ZNF280D: variants seen among roughly 807,000 people sequenced by gnomAD.
ZNF280D encodes zinc finger protein 280D.
Under a neutral mutation model 94.7 loss-of-function variants are expected in ZNF280D, and 39 were observed. The observed-to-expected ratio is 0.41, with a 90% CI of 0.32 to 0.54. The LOEUF is 0.54. Among genes scored for constraint, ZNF280D ranks in the 20% least tolerant of loss-of-function variants. The pLI, the probability that ZNF280D is intolerant of heterozygous loss-of-function variation, is 0.22. For missense variants in ZNF280D, 1,090 were observed against 1,149.3 expected (o/e 0.95, Z 0.75); for synonymous variants, 398 against 377.6 (o/e 1.05, Z -0.63).
Position 56,689,397 on chromosome 15 carries a change from A to C in ZNF280D, c.573T>G (p.Pro191=), listed in dbSNP as rs2056282271. The change falls in exon 8 of 22, where the codon CCT becomes CCG. Residue 191 remains proline (P), a synonymous_variant. Coordinates refer to ENST00000267807, the MANE Select transcript of ZNF280D (RefSeq NM_017661.4). ...CTCCAGAAACACTTTCGCTGGGTTT[A>C]GGCTTCTTTGGATTAACATTATTTA... The part of the protein sequence containing the change: ...SEVNNVNPKK[P]KPSESVSGAN... 1 of 1,605,020 alleles carries C rather than the reference A, an allele frequency of 6.2e-7. No homozygotes were observed. Among genetic ancestry groups the C allele is most frequent in the African/African-American group, 1.3e-5 (1 of 74,752 alleles).
At chr15:56,663,576 C>G (rs2054098492) in intron 16 of ZNF280D, among the ~76,000 whole-genome samples, 1 of 152,048 alleles carries the variant, frequency 6.6e-6, no homozygotes, top group Admixed American at 6.6e-5. Context: ...GCAAGGGTAC[C>G]ACTGAGGTTG....
At chr15:56,671,727 T>C (rs1392386815) in intron 13 of ZNF280D, among the ~76,000 whole-genome samples, 1 of 152,180 alleles carries the variant, frequency 6.6e-6, no homozygotes, top group Non-Finnish European at 1.5e-5. Flanking sequence ...CCATGGTAGT[T>C]TAATGGGAAT....
intron 16 of ZNF280D, 114 bp from the exon 17 acceptor site, chr15:56,658,600 T>C (rs2053705470): frequency 1.2e-5 from 8 of 676,792 alleles, no homozygotes; most frequent in Non-Finnish European, 1.4e-5. Flanking sequence ...GATTATAATG[T>C]AAATAATAAA....
At chr15:56,660,847 G>GT (rs2053891150) in intron 16 of ZNF280D, among the ~76,000 whole-genome samples, 1 of 151,774 alleles carries the variant, frequency 6.6e-6, no homozygotes, top group South Asian at 2.1e-4. Context: ...TTCCACATAA[G>GT]TAACAACCTT....
chr15:56,682,503 A>C, intron 9 of ZNF280D, 26 bp from the exon 10 acceptor site: 2 of 1,399,876 alleles, frequency 1.4e-6, no homozygotes, highest in Non-Finnish European at 1.9e-6. Context: ...AAAAAAAAAA[A>C]ACAAGCCTTA....
At position 56,668,925 on chromosome 15, in the gene ZNF280D, C is replaced by G; in HGVS notation, c.1443G>C (p.Arg481Ser). The G allele has an allele frequency of 6.2e-7, 1 of 1,611,570 alleles. No homozygotes were observed. The highest frequency in any genetic ancestry group is 1.1e-5 in the South Asian group (1 of 90,684). ...KKGIHRCTKCRLQFLTCKEKM... is the reference protein window; with the variant it reads ...KKGIHRCTKCSLQFLTCKEKM... Reference sequence around the variant, plus strand: ...TCTCCTTGCATGTCAAAAACTGCAGCCTGCATTTTGTACAACGATGTATTC... The same window carrying G: ...TCTCCTTGCATGTCAAAAACTGCAGGCTGCATTTTGTACAACGATGTATTC... Residue 481 changes from arginine to serine, a missense_variant, in exon 14 of 22, where the codon AGG becomes AGC. Arg to Ser is a moderately radical substitution (Grantham distance 110). Around this residue, in one of 3 missense-constraint regions of ZNF280D, gnomAD observed 127 missense variants for 208.6 expected, o/e 0.61. Coordinates refer to ENST00000267807, the MANE Select transcript of ZNF280D (RefSeq NM_017661.4).
intron 19 of ZNF280D, among the ~76,000 whole-genome samples, chr15:56,648,900 T>C (rs975790514): frequency 6.6e-6 from 1 of 152,150 alleles, no homozygotes; most frequent in African/African-American, 2.4e-5. Context: ...TTTTGATTGC[T>C]GGTCTATTCT....
chr15:56,664,659 TA>T (rs1417215022), intron 16 of ZNF280D, among the ~76,000 whole-genome samples: 2 of 152,154 alleles, frequency 1.3e-5, no homozygotes, highest in African/African-American at 2.4e-5. Flanking sequence ...GAAGAAGGAT[TA>T]AACAAATGTT....
At chr15:56,729,043 A>T (rs1327050012) in intron 1 of ZNF280D, among the ~76,000 whole-genome samples, 1 of 152,210 alleles carries the variant, frequency 6.6e-6, no homozygotes. Context: ...GAGCATCTAT[A>T]GTTAATTCCA....
intron 3 of ZNF280D, among the ~76,000 whole-genome samples, chr15:56,704,768 G>C (rs141125718): frequency 6.6e-6 from 1 of 152,178 alleles, no homozygotes; most frequent in East Asian, 1.9e-4. Flanking sequence ...ATTGCTTGAG[G>C]TCAGGAGTTT....
chr15:56,640,808 T>G (rs1206914410), intron 20 of ZNF280D, among the ~76,000 whole-genome samples: 3 of 152,148 alleles, frequency 2.0e-5, no homozygotes, highest in African/African-American at 7.2e-5. Context: ...CAAAATATGT[T>G]AAGAAGGTTT....
chr15:56,700,269 C>T lies in ZNF280D; in HGVS notation c.381+664G>A, dbSNP rs1197876534. The T allele has an allele frequency of 7.1e-6, 5 of 700,288 alleles. No individual in the cohort carries two copies. In the African/African-American group the frequency reaches 7.7e-5, roughly 11 times the overall value. 43.4% of individuals were successfully genotyped at this position (700,288 alleles called of 1,614,324 possible). Reference sequence around the variant, plus strand: ...ATTGAAATCCCAGATCCATCAACTGCCAGCTTTGGGATCTTGAATAAATCT... The same window carrying T: ...ATTGAAATCCCAGATCCATCAACTGTCAGCTTTGGGATCTTGAATAAATCT... On this transcript the variant is annotated intron_variant, in intron 6 of 21. Coordinates refer to ENST00000267807, the MANE Select transcript of ZNF280D (RefSeq NM_017661.4).
intron 11 of ZNF280D, among the ~76,000 whole-genome samples, chr15:56,678,308 C>T (rs1351430232): frequency 2.6e-5 from 4 of 152,066 alleles, no homozygotes; most frequent in African/African-American, 7.2e-5. Flanking sequence ...CACTGCACCC[C>T]GCCTGTGATT....
chr15:56,702,992 T>TTTTC (rs1206664971), intron 4 of ZNF280D, among the ~76,000 whole-genome samples: 4 of 151,402 alleles, frequency 2.6e-5, no homozygotes, highest in African/African-American at 4.9e-5. Context: ...AATTCTTTGG[T>TTTTC]AAATTCTCCT....
rs187765064 is a variant in ZNF280D, at chr15:56,718,591, G to A, written c.-85-11285C>T. ...ATCTAAATCAGTACAGTTATTAAAA[G>A]CTTTAATACGAAAGAAAAATTTTCA... On this transcript the variant is annotated intron_variant, in intron 1 of 21. Coordinates refer to ENST00000267807, the MANE Select transcript of ZNF280D (RefSeq NM_017661.4). Among the ~76,000 whole-genome samples, 84 of 152,248 alleles carry A rather than the reference G, an allele frequency of 5.5e-4. 1 individual carries two copies. The Middle Eastern group carries it at 0.027, about 49-fold the overall frequency.
chr15:56,723,840 T>C (rs553258349), intron 1 of ZNF280D, among the ~76,000 whole-genome samples: 4 of 125,924 alleles, frequency 3.2e-5, no homozygotes, highest in Non-Finnish European at 5.6e-5. Context: ...AAACCCATCA[T>C]TAGCTGAAAA....
intron 19 of ZNF280D, among the ~76,000 whole-genome samples, chr15:56,647,021 G>A (rs1238672562): frequency 3.9e-5 from 6 of 152,150 alleles, no homozygotes; most frequent in African/African-American, 1.4e-4. Context: ...AGTAGTCCAA[G>A]ATGAAACTGA....
At chr15:56,715,411 C>G (rs533621666) in intron 1 of ZNF280D, among the ~76,000 whole-genome samples, 1 of 152,060 alleles carries the variant, frequency 6.6e-6, no homozygotes, top group Non-Finnish European at 1.5e-5. Context: ...GTGTGTGATG[C>G]AACAGATGAT....
intron 10 of ZNF280D, among the ~76,000 whole-genome samples, chr15:56,679,929 T>G (rs2055505719): frequency 6.6e-6 from 1 of 152,188 alleles, no homozygotes; most frequent in Non-Finnish European, 1.5e-5. Context: ...ATATTTACGT[T>G]TAGAGTAAAG....
Sources: allele counts gnomAD v4.1 joint callset (sites outside exome capture counted in the v4.1 genomes callset), GRCh38; gene constraint gnomAD v4.1.1; regional missense constraint gnomAD v4.1.1; transcripts MANE v1.5; gene names NCBI Gene and HGNC (gene_info 2026-07-23, HGNC 2026-07-21).